Variants in OPRM1 observed in about 807,000 individuals in gnomAD.
The protein encoded by OPRM1 is mu-type opioid receptor.
In OPRM1, 27 loss-of-function variants were observed where a neutral mutation model predicts 31.8. The observed-to-expected ratio is 0.85, with a 90% confidence interval of 0.63 to 1.17. The LOEUF (loss-of-function observed/expected upper bound fraction) is 1.17. Ranked by LOEUF, OPRM1 falls within the 50% of genes most tolerant of loss-of-function variation. The pLI, the probability that OPRM1 is intolerant of heterozygous loss-of-function variation, is 0.00. For missense variants in OPRM1, 536 were observed against 511.1 expected, an observed-to-expected ratio of 1.05 and a Z score of -0.47; for synonymous variants, 196 against 189.9, an observed-to-expected ratio of 1.03 and a Z score of -0.26.
In OPRM1 at chr6:154,039,348, C is replaced by G. The variant is rs41292888; in HGVS notation, c.-197C>G. Reference sequence around the variant, plus strand: ...ACTACTAAGGTGGGAGGGGGCTATACGCAGAGGAGAATGTCAGATGCTCAG... The same window carrying G: ...ACTACTAAGGTGGGAGGGGGCTATAGGCAGAGGAGAATGTCAGATGCTCAG... On this transcript the variant is annotated 5_prime_UTR_variant, in exon 1 of 4. Transcript: ENST00000330432. The G allele has an allele frequency of 5.2e-3, 8,007 of 1,546,418 alleles. 150 individuals carry two copies. In the Middle Eastern group the frequency reaches 0.072, roughly 14 times the overall value.
At chr6:154,219,985 AGTGTGTGT>A (rs57450665) in intron 3 of OPRM1, among the ~76,000 whole-genome samples, 5,773 of 140,102 alleles carry the variant, frequency 0.041, 197 homozygotes, top group African/African-American at 0.091. Flanking sequence ...ACCTGTAAGG[AGTGTGTGT>A]GTGTGTGTGT....
At chr6:154,191,589 G>A (rs1276756881) in intron 3 of OPRM1, among the ~76,000 whole-genome samples, 2 of 151,900 alleles carry the variant, frequency 1.3e-5, no homozygotes, top group Middle Eastern at 3.2e-3. Context: ...CAGGAGAATC[G>A]CTTGAACCCA....
chr6:154,135,844 C>T (rs1798047723), downstream of OPRM1, among the ~76,000 whole-genome samples: 2 of 152,284 alleles, frequency 1.3e-5, no homozygotes, highest in East Asian at 3.9e-4. Flanking sequence ...CCCATTGAAA[C>T]TAGAAATGTG....
At chr6:154,166,568 C>G (rs772107809) in intron 3 of OPRM1, among the ~76,000 whole-genome samples, 18 of 152,224 alleles carry the variant, frequency 1.2e-4, no homozygotes, top group Non-Finnish European at 1.8e-4. Flanking sequence ...CACTGTCCCC[C>G]TTGGACCACC....
At chr6:154,227,901 CT>C (rs796354438) in intron 3 of OPRM1, among the ~76,000 whole-genome samples, 199 of 150,882 alleles carry the variant, frequency 1.3e-3, no homozygotes, top group African/African-American at 4.4e-3. Context: ...TAAGCAGAAG[CT>C]TTTTTTTTAT....
At chr6:154,152,386 A>G (rs4870269) in intron 3 of OPRM1, among the ~76,000 whole-genome samples, 10,803 of 83,814 alleles carry the variant, frequency 0.13, 871 homozygotes, top group Non-Finnish European at 0.17. Context: ...GAAAGAAAGA[A>G]AGAAAGAGAA....
chr6:154,052,200 G>A (rs1205925101), intron 1 of OPRM1, among the ~76,000 whole-genome samples: 2 of 152,058 alleles, frequency 1.3e-5, no homozygotes, highest in Non-Finnish European at 2.9e-5. Context: ...AAGGGGACAA[G>A]GAGCATTAGG....
intron 3 of OPRM1, among the ~76,000 whole-genome samples, chr6:154,228,538 T>C (rs1779455052): frequency 6.6e-6 from 1 of 152,238 alleles, no homozygotes; most frequent in Admixed American, 6.5e-5. Flanking sequence ...ATTCAGCCCA[T>C]CTAGTTTTCC....
chr6:154,225,101 T>G (rs1043987781), intron 3 of OPRM1, among the ~76,000 whole-genome samples: 4 of 152,166 alleles, frequency 2.6e-5, no homozygotes, highest in Non-Finnish European at 5.9e-5. Flanking sequence ...ATTTCAGAAT[T>G]TTTCTGATTT....
At chr6:154,114,876 TAA>T (rs1220080727) in intron 3 of OPRM1, among the ~76,000 whole-genome samples, 1 of 138,662 alleles carries the variant, frequency 7.2e-6, no homozygotes, top group Admixed American at 7.2e-5. Flanking sequence ...GAATTCTAAT[TAA>T]AAAAAAAAAA....
At chr6:154,061,550 T>C (rs1784421175) in intron 1 of OPRM1, among the ~76,000 whole-genome samples, 2 of 152,134 alleles carry the variant, frequency 1.3e-5, no homozygotes, top group Admixed American at 1.3e-4. Flanking sequence ...GCTATTCTTC[T>C]GAGGCAATGT....
chr6:154,040,259 G>A (rs1216669480), intron 1 of OPRM1, among the ~76,000 whole-genome samples: 1 of 151,992 alleles, frequency 6.6e-6, no homozygotes, highest in Non-Finnish European at 1.5e-5. Context: ...CCCAAATTTG[G>A]TTGGGGCCGG....
rs1315396679 is a variant in OPRM1 at position 154,125,515 on chromosome 6, A to T, written c.*6794A>T. 6.6e-6 allele frequency among the ~76,000 whole-genome samples: 1 copy of T among 152,224 alleles called. No homozygotes were observed. The highest frequency in any genetic ancestry group is 1.5e-5 in the Non-Finnish European group (1 of 68,038). On this transcript the variant is annotated 3_prime_UTR_variant, in exon 4 of 4. Transcript: ENST00000330432. ...TAAGTATTTGTTTTAGGTTTTAGAGAGAGAGCACAGAGTCCCTTTGAGACA... is the reference window on the plus strand; with the variant it reads ...TAAGTATTTGTTTTAGGTTTTAGAGTGAGAGCACAGAGTCCCTTTGAGACA...
intron 3 of OPRM1, among the ~76,000 whole-genome samples, chr6:154,205,606 C>T (rs117121287): frequency 3.9e-5 from 6 of 152,218 alleles, no homozygotes; most frequent in Non-Finnish European, 8.8e-5. Flanking sequence ...AAAATAAAAA[C>T]ATACACACAC....
intron 3 of OPRM1, among the ~76,000 whole-genome samples, chr6:154,149,704 C>T (rs535711464): frequency 6.6e-6 from 1 of 151,976 alleles, no homozygotes; most frequent in African/African-American, 2.4e-5. Context: ...TTCTATTATT[C>T]TATTAGCAAT....
At chr6:154,138,916 A>G (rs1448472858) in intron 3 of OPRM1, among the ~76,000 whole-genome samples, 2 of 152,164 alleles carry the variant, frequency 1.3e-5, no homozygotes, top group African/African-American at 2.4e-5. Context: ...AACCGGCACT[A>G]CCCAGATTGA....
chr6:154,101,349 A>G (rs1409036188), intron 3 of OPRM1, among the ~76,000 whole-genome samples: 5 of 152,100 alleles, frequency 3.3e-5, no homozygotes, highest in Non-Finnish European at 4.4e-5. Flanking sequence ...TCAAATTCAA[A>G]CCATCAACTT....
chr6:154,165,610 C>T (rs1399923173), intron 3 of OPRM1, among the ~76,000 whole-genome samples: 2 of 152,186 alleles, frequency 1.3e-5, no homozygotes, highest in African/African-American at 4.8e-5. Flanking sequence ...CCAGAAAGAG[C>T]AGTTCCCTAG....
intron 1 of OPRM1, among the ~76,000 whole-genome samples, chr6:154,077,736 AT>A (rs1347123520): frequency 6.6e-6 from 1 of 152,086 alleles, no homozygotes; most frequent in South Asian, 2.1e-4. Flanking sequence ...ATCTAAAAAA[AT>A]AATTAATTAA....
Sources: gnomAD v4.1 joint callset for allele counts (sites outside exome capture counted in the v4.1 genomes callset) on GRCh38, gnomAD v4.1.1 for gene constraint, MANE v1.5 for transcripts, NCBI Gene and HGNC (gene_info 2026-07-23, HGNC 2026-07-21) for gene names.